MTA3: variants seen among roughly 807,000 people sequenced by gnomAD.
The protein encoded by MTA3 is metastasis-associated protein MTA3.
In MTA3, 34 loss-of-function variants were observed where a neutral mutation model predicts 83.5. The observed-to-expected ratio is 0.41, with a 90% confidence interval of 0.31 to 0.54. The LOEUF (loss-of-function observed/expected upper bound fraction) is 0.54, where lower values mean the gene tolerates loss of function less well. Among genes scored for constraint, MTA3 ranks in the 20% least tolerant of loss-of-function variants. MTA3 has a pLI of 0.33. For missense variants in MTA3, 761 were observed against 726.4 expected (o/e 1.05, Z -0.55); for synonymous variants, 303 against 252.7 (o/e 1.20, Z -1.89).
rs147201116 is a variant in MTA3 at position 42,707,489 on chromosome 2, C to T, written c.1151-414C>T. ...GTCTTGATCTCCTGACCTCATGGTC[C>T]GCCTGCCTCAACCTCCCAAAGTGCT... On this transcript the variant is annotated intron_variant, in intron 12 of 16. Coordinates refer to ENST00000405094, the MANE Select transcript of MTA3 (RefSeq NM_001330442.2). 1.2e-3 allele frequency among the ~76,000 whole-genome samples: 186 copies of T among 152,232 alleles called. 2 individuals are homozygous for T. The highest frequency in any genetic ancestry group is 4.3e-3 in the African/African-American group (178 of 41,536).
chr2:42,701,939 G>C (rs375410332), intron 11 of MTA3, among the ~76,000 whole-genome samples: 1 of 133,868 alleles, frequency 7.5e-6, no homozygotes, highest in South Asian at 2.4e-4. Flanking sequence ...GGCTGGGCAT[G>C]GTGGCTCACG....
chr2:42,586,355 T>G (rs865805566), intron 3 of MTA3, among the ~76,000 whole-genome samples: 28 of 141,720 alleles, frequency 2.0e-4, no homozygotes, highest in African/African-American at 6.9e-4. Context: ...GAGGCCAAGG[T>G]AGGAGGACCA....
chr2:42,599,194 T>A (rs1212312409), intron 3 of MTA3, among the ~76,000 whole-genome samples: 1 of 152,230 alleles, frequency 6.6e-6, no homozygotes, highest in Non-Finnish European at 1.5e-5. Flanking sequence ...ATAAGACTTC[T>A]ATGAGTCTTT....
chr2:42,579,896 A>G (rs1341202311), intron 3 of MTA3, among the ~76,000 whole-genome samples: 3 of 151,974 alleles, frequency 2.0e-5, no homozygotes, highest in Non-Finnish European at 2.9e-5. Context: ...TTTATACTTC[A>G]CTGTTTCGGA....
intron 14 of MTA3, among the ~76,000 whole-genome samples, chr2:42,718,740 G>A (rs1267475772): frequency 1.3e-5 from 2 of 152,052 alleles, no homozygotes; most frequent in South Asian, 4.1e-4. Flanking sequence ...TTCAGCCTGG[G>A]TGACAGAGTG....
At chr2:42,537,211 C>T (rs536336389) in intron 2 of MTA3, among the ~76,000 whole-genome samples, 2 of 152,154 alleles carry the variant, frequency 1.3e-5, no homozygotes, top group East Asian at 3.9e-4. Context: ...TGAATGTGGT[C>T]ACTAAAAAAC....
At chr2:42,696,028 C>T (rs1195722939) in intron 10 of MTA3, among the ~76,000 whole-genome samples, 189 bp downstream of exon 10, 6 of 152,000 alleles carry the variant, frequency 3.9e-5, no homozygotes, top group South Asian at 2.1e-4. Context: ...TCCTTGACTT[C>T]GCATGAATTA....
At chr2:42,677,815 T>A (rs1240173975) in intron 8 of MTA3, among the ~76,000 whole-genome samples, 1 of 152,180 alleles carries the variant, frequency 6.6e-6, no homozygotes, top group Admixed American at 6.5e-5. Flanking sequence ...TTTCCCAGTC[T>A]CAGGTTTGTC....
At chr2:42,609,783 C>A (rs1433616361) in intron 4 of MTA3, among the ~76,000 whole-genome samples, 199 bp downstream of exon 4, 1 of 152,220 alleles carries the variant, frequency 6.6e-6, no homozygotes, top group African/African-American at 2.4e-5. Flanking sequence ...AGTAAAGTAA[C>A]CATTTTAACT....
chr2:42,705,722 A>G (rs901493726), intron 12 of MTA3, among the ~76,000 whole-genome samples: 1 of 152,140 alleles, frequency 6.6e-6, no homozygotes, highest in African/African-American at 2.4e-5. Flanking sequence ...GCCCCCAAAA[A>G]AAAAATTAAC....
chr2:42,716,760 C>A (rs938030778), intron 14 of MTA3, among the ~76,000 whole-genome samples: 1 of 152,102 alleles, frequency 6.6e-6, no homozygotes, highest in African/African-American at 2.4e-5. Flanking sequence ...GATTCCATGT[C>A]TTTACTATTG....
intron 2 of MTA3, among the ~76,000 whole-genome samples, chr2:42,522,848 A>G (rs1429807898): frequency 1.4e-5 from 2 of 143,904 alleles, no homozygotes; most frequent in Non-Finnish European, 3.0e-5. Flanking sequence ...TTACTTTGTC[A>G]GGTAGGCTAG....
At chr2:42,592,845 A>G (rs1281855233) in intron 3 of MTA3, among the ~76,000 whole-genome samples, 1 of 152,084 alleles carries the variant, frequency 6.6e-6, no homozygotes, top group African/African-American at 2.4e-5. Context: ...ATGAGTAGAA[A>G]GAATACACTC....
At chr2:42,740,542 C>T (rs2104581628) in intron 16 of MTA3, among the ~76,000 whole-genome samples, 1 of 152,354 alleles carries the variant, frequency 6.6e-6, no homozygotes, top group South Asian at 2.1e-4. Flanking sequence ...TGAATCCATT[C>T]ATTCATCCAT....
chr2:42,597,933 T>C (rs950180728), intron 3 of MTA3, among the ~76,000 whole-genome samples: 1 of 151,708 alleles, frequency 6.6e-6, no homozygotes, highest in African/African-American at 2.4e-5. Context: ...CTGCCCACTT[T>C]AGCCTCCCAA....
chr2:42,686,192 ATT>A (rs1692347566), intron 9 of MTA3, among the ~76,000 whole-genome samples: 1 of 152,192 alleles, frequency 6.6e-6, no homozygotes, highest in Non-Finnish European at 1.5e-5. Context: ...TGCATATATT[ATT>A]GTGTGTTTGT....
intron 3 of MTA3, among the ~76,000 whole-genome samples, chr2:42,594,729 T>TATATATATATATATATATATATATATA (rs1491154379): frequency 1.0e-4 from 2 of 19,152 alleles, no homozygotes; most frequent in Admixed American, 8.2e-4. Flanking sequence ...TATATATATA[T>TATATATATATATATATATATATATATA]TTTTTTTTTT....
At chr2:42,638,888 G>GT (rs1687439601) in intron 4 of MTA3, among the ~76,000 whole-genome samples, 1 of 67,064 alleles carries the variant, frequency 1.5e-5, no homozygotes, top group African/African-American at 7.6e-5. Context: ...TTTTATAAGG[G>GT]GTTTTTTTTT....
chr2:42,515,446 G>A (rs1031861923), intron 2 of MTA3, among the ~76,000 whole-genome samples: 7 of 152,074 alleles, frequency 4.6e-5, no homozygotes, highest in Non-Finnish European at 5.9e-5. Context: ...AACTTCCCGA[G>A]TAGCTGAGAT....
Sources: gnomAD v4.1 joint callset for allele counts (sites outside exome capture counted in the v4.1 genomes callset) on GRCh38, gnomAD v4.1.1 for gene constraint, MANE v1.5 for transcripts, NCBI Gene and HGNC (gene_info 2026-07-23, HGNC 2026-07-21) for gene names.